Variants in CTSK observed in about 807,000 individuals in gnomAD.
CTSK encodes the protein cathepsin K, also known as cathepsin O.
A neutral mutation model predicts 40.5 loss-of-function variants in CTSK; 26 were observed. That is an observed-to-expected ratio of 0.64 (90% CI 0.47 to 0.89). The LOEUF is 0.89. Among genes scored for constraint, CTSK ranks in the 40% least tolerant of loss-of-function variants. CTSK has a pLI of 0.00. For missense variants in CTSK, 292 were observed against 400.1 expected (o/e 0.73, Z 2.30); for synonymous variants, 132 against 143.2 (o/e 0.92, Z 0.56).
chr1:150,797,756 T>C (rs989645975), intron 7 of CTSK, among the ~76,000 whole-genome samples: 10 of 152,196 alleles, frequency 6.6e-5, no homozygotes, highest in Non-Finnish European at 7.3e-5. Context: ...TTCCTGATCC[T>C]GCCCGGGTGT....
chr1:150,799,557 C>T lies in CTSK; in HGVS notation c.771G>A (p.Gln257=). 4 of 1,614,194 alleles carry T rather than the reference C, an allele frequency of 2.5e-6. No individual in the cohort carries two copies. Among genetic ancestry groups the T allele is most frequent in the Non-Finnish European group, 3.4e-6 (4 of 1,180,026 alleles). ...VAIDASLTSF[Q]FYSKGVYYDE... is the part of the protein sequence containing the mutation. ...GCAGCTTCTTACCTTTGCTGTAAAA[C>T]TGGAAGGAGGTCAGGCTTGCATCAA... The change falls in exon 6 of 8, where the codon CAG becomes CAA. Residue 257 remains glutamine (Q), a synonymous_variant. Transcript: ENST00000271651.
Position 150,796,297 on chromosome 1 carries a change from T to C in CTSK, c.*502A>G. Reference sequence around the variant, plus strand: ...GCAAAGAAGGGAAGACAAATCACATTTCTTTTTATCATGTAAACTTGTACC... The same window carrying C: ...GCAAAGAAGGGAAGACAAATCACATCTCTTTTTATCATGTAAACTTGTACC... On this transcript the variant is annotated 3_prime_UTR_variant, in exon 8 of 8. Coordinates refer to ENST00000271651, the MANE Select transcript of CTSK (RefSeq NM_000396.4). 5.6e-6 allele frequency: 1 copy of C among 177,162 alleles called. No homozygotes were observed. The highest frequency in any genetic ancestry group is 1.3e-4 in the South Asian group (1 of 7,812). The allele number at this position is 177,162 out of a possible 1,614,324, so 11.0% of individuals were successfully genotyped here.
rs908212829 is a variant in CTSK at position 150,807,301 on chromosome 1, G to T, written c.-1-495C>A. The T allele has an allele frequency of 1.1e-5, 5 of 471,458 alleles. No homozygotes were observed. In the Admixed American group the frequency reaches 1.2e-4, roughly 11 times the overall value. 29.2% of individuals were successfully genotyped at this position (471,458 alleles called of 1,614,324 possible). ...TGCCTCCTGATCATTTCTTCGAGGC[G>T]TTCTTCTCTTTCGTGCCTAAATTCT... On this transcript the variant is annotated intron_variant, in intron 1 of 7. Coordinates refer to ENST00000271651, the MANE Select transcript of CTSK (RefSeq NM_000396.4).
At chr1:150,805,729 A>G in intron 4 of CTSK, 132 bp downstream of exon 4, 1 of 865,636 alleles carries the variant, frequency 1.2e-6, no homozygotes, top group South Asian at 1.4e-5. Context: ...AAATAACAGA[A>G]TGGGAATGGG....
intron 4 of CTSK, among the ~76,000 whole-genome samples, chr1:150,805,266 C>G (rs1654064229): frequency 6.7e-6 from 1 of 150,088 alleles, no homozygotes; most frequent in African/African-American, 2.5e-5. Flanking sequence ...CTAACAATTC[C>G]AATTTTAGGA....
chr1:150,806,883 G>A lies in CTSK; in HGVS notation c.-1-77C>T, dbSNP rs1654105301. On this transcript the variant is annotated intron_variant, in intron 1 of 7. Transcript: ENST00000271651. ...GGAAAACTAGGCTTTATGAGGAAGA[G>A]AAAGGTAGACGGAAAAAGGGTGATA... The A allele has an allele frequency of 5.1e-6, 8 of 1,558,072 alleles. No homozygotes were observed. In the Admixed American group the frequency reaches 1.3e-4, roughly 26 times the overall value.
chr1:150,806,894 G>C, intron 1 of CTSK, 88 bp from the exon 2 acceptor site: 5 of 1,494,372 alleles, frequency 3.3e-6, no homozygotes, highest in Non-Finnish European at 9.2e-7. Context: ...AAAGGTAGAC[G>C]GAAAAAGGGT....
chr1:150,808,219 G>A lies in CTSK; in HGVS notation c.-7C>T, dbSNP rs977217312. The A allele has an allele frequency of 6.6e-6, 1 of 152,458 alleles. No individual in the cohort carries two copies. The highest frequency in any genetic ancestry group is 2.4e-5 in the African/African-American group (1 of 41,454). The allele number at this position is 152,458 out of a possible 1,614,324, so 9.4% of individuals were successfully genotyped here. On this transcript the variant is annotated 5_prime_UTR_variant, in exon 1 of 8. Coordinates refer to ENST00000271651, the MANE Select transcript of CTSK (RefSeq NM_000396.4). ...TAGGAAGTTGCAAACGTTACCTGCT[G>A]ATGGAAATCTGTTGTCTGGCTTCGT...
In CTSK at chr1:150,799,696, A is replaced by G. The variant is rs780080857; in HGVS notation, c.632T>C (p.Met211Thr). 1.2e-6 allele frequency: 2 copies of G among 1,614,126 alleles called. No homozygotes were observed. Among genetic ancestry groups the G allele is most frequent in the South Asian group, 1.1e-5 (1 of 91,082 alleles). The change falls in exon 6 of 8, where the codon ATG becomes ACG. Residue 211 changes from methionine to threonine, a missense_variant. Physicochemically the swap from Met to Thr is moderately conservative, Grantham distance 81 (BLOSUM62 -1). Coordinates refer to ENST00000271651, the MANE Select transcript of CTSK (RefSeq NM_000396.4). The part of the protein sequence containing the change: ...YPYVGQEESC[M>T]YNPTGKAAKC... ...AGCTGCCTTGCCTGTTGGGTTGTAC[A>G]TACAACTCTCTTCCTGGAAGAAACA...
intron 7 of CTSK, among the ~76,000 whole-genome samples, chr1:150,797,584 A>G (rs587761511): frequency 5.3e-4 from 81 of 152,284 alleles, no homozygotes; most frequent in African/African-American, 1.9e-3. Context: ...AGAAGACAAG[A>G]GAGACGACGT....
At chr1:150,804,703 T>C (rs587624685) in intron 4 of CTSK, among the ~76,000 whole-genome samples, 23 of 152,348 alleles carry the variant, frequency 1.5e-4, no homozygotes, top group African/African-American at 5.5e-4. Flanking sequence ...TCTTTCCTGT[T>C]CTATTTTTTT....
Position 150,796,473 on chromosome 1 carries a change from C to G in CTSK, c.*326G>C, listed in dbSNP as rs1216384483. The G allele has an allele frequency of 2.2e-6, 1 of 461,770 alleles. No individual in the cohort carries two copies. The highest frequency in any genetic ancestry group is 4.0e-6 in the Non-Finnish European group (1 of 251,388). The allele number at this position is 461,770 out of a possible 1,614,324, so 28.6% of individuals were successfully genotyped here. A position where few individuals can be genotyped will look rare whatever the true frequency, so the allele number is the denominator to read the frequency against. On this transcript the variant is annotated 3_prime_UTR_variant, in exon 8 of 8. Transcript: ENST00000271651. ...ACTAGTCCCGTGAATGAGAATCTAA[C>G]CTATGTGAAAATCTCCAGCCTGTAC... is the stretch of plus-strand genomic sequence containing the variant.
At chr1:150,806,895 GA>G in intron 1 of CTSK, 89 bp from the exon 2 acceptor site, 7 of 1,481,944 alleles carry the variant, frequency 4.7e-6, no homozygotes, top group Non-Finnish European at 6.5e-6. Flanking sequence ...AAGGTAGACG[GA>G]AAAAGGGTGA....
Position 150,799,215 on chromosome 1 carries a change from C to T in CTSK, c.843G>A (p.Val281=). The part of the protein sequence containing the change: ...SDNLNHAVLA[V]GYGIQKGNKH... ...TGTTTCCCTTCTGGATTCCATATCC[C>T]ACTGCCAAAACTGCATGGTTCAGAT... Residue 281 remains valine (V), a synonymous_variant, in exon 7 of 8, where the codon GTG becomes GTA. Coordinates refer to ENST00000271651, the MANE Select transcript of CTSK (RefSeq NM_000396.4). 19 of 1,613,296 alleles carry T rather than the reference C, an allele frequency of 1.2e-5. No individual in the cohort carries two copies. Among genetic ancestry groups the T allele is most frequent in the Non-Finnish European group, 1.5e-5 (18 of 1,179,246 alleles).
Position 150,804,146 on chromosome 1 carries a change from G to C in CTSK, c.493C>G (p.Gln165Glu). The part of the protein sequence containing the change: ...KTGKLLNLSP[Q>E]NLVDCVSEND... ...TCAGACACACAATCCACTAGGTTCT[G>C]GGGACTCAGATTTAAGAGTTTGCCA... Residue 165 changes from glutamine (Q) to glutamate (E), a missense_variant, in exon 5 of 8, where the codon CAG becomes GAG. Gln to Glu is a conservative substitution (Grantham distance 29, BLOSUM62 2). Coordinates refer to ENST00000271651, the MANE Select transcript of CTSK (RefSeq NM_000396.4). 1 of 1,614,134 alleles carries C rather than the reference G, an allele frequency of 6.2e-7. No homozygotes were observed. The highest frequency in any genetic ancestry group is 8.5e-7 in the Non-Finnish European group (1 of 1,180,022).
intron 1 of CTSK, chr1:150,807,463 G>C (rs1011011230): frequency 6.6e-6 from 3 of 452,792 alleles, no homozygotes; most frequent in Non-Finnish European, 1.4e-5. Context: ...CCTTAGGCAG[G>C]AAACTGCCCT....
Position 150,806,106 on chromosome 1 carries a change from T to TC in CTSK, c.238dup (p.Asp80GlyfsTer5). 6.2e-7 allele frequency: 1 copy of TC among 1,614,046 alleles called. No homozygotes were observed. On this transcript the variant is annotated frameshift_variant, in exon 3 of 8. Coordinates refer to ENST00000271651, the MANE Select transcript of CTSK (RefSeq NM_000396.4). LOFTEE classifies it high-confidence loss of function. The stretch of plus-strand genomic sequence containing the variant: ...AGGAGCTGAAGCTATACTTGCCATG[T>TC]CCCCCAGGTGGTTCATAGCCAGTTC...
chr1:150,800,392 A>G (rs1653967972), intron 5 of CTSK: 1 of 154,798 alleles, frequency 6.5e-6, no homozygotes, highest in East Asian at 1.9e-4. Context: ...AGCTAGAGGG[A>G]AGACCTGGGC....
intron 7 of CTSK, among the ~76,000 whole-genome samples, chr1:150,797,662 C>T (rs995182948): frequency 6.6e-6 from 1 of 152,166 alleles, no homozygotes; most frequent in South Asian, 2.1e-4. Context: ...CTTTCCCCAA[C>T]CAGCAACTTC....
Sources: gnomAD v4.1 joint callset for allele counts (sites outside exome capture counted in the v4.1 genomes callset) on GRCh38, gnomAD v4.1.1 for gene constraint, MANE v1.5 for transcripts, NCBI Gene and HGNC (gene_info 2026-07-23, HGNC 2026-07-21) for gene names.